The following PRKG1 variants were observed in gnomAD, a reference collection of about 807,000 sequenced individuals.
The protein encoded by PRKG1 is cGMP-dependent protein kinase 1.
In PRKG1, 35 loss-of-function variants were observed where a neutral mutation model predicts 88.1. The observed-to-expected ratio is 0.40, with a 90% CI of 0.30 to 0.53. The LOEUF is 0.53. PRKG1 is among the 20% of genes least tolerant of loss of function. The pLI is 0.59. For synonymous variants in PRKG1, 303 were observed against 292.5 expected, an observed-to-expected ratio of 1.04 and a Z score of -0.37; for missense variants, 540 against 839.8, an observed-to-expected ratio of 0.64 and a Z score of 4.41.
intron 5 of PRKG1, among the ~76,000 whole-genome samples, chr10:51,969,256 C>G (rs16925327): frequency 0.11 from 16,759 of 152,156 alleles, 1,235 homozygotes; most frequent in East Asian, 0.32. Context: ...TCTGGCATCT[C>G]TTGTCAATCC....
At chr10:51,768,624 C>A (rs1246508107) in intron 3 of PRKG1, among the ~76,000 whole-genome samples, 2 of 151,994 alleles carry the variant, frequency 1.3e-5, no homozygotes, top group African/African-American at 4.8e-5. Flanking sequence ...TAAAGAAAAT[C>A]TTGGGATTTT....
At chr10:51,202,348 A>C (rs1025301267) in intron 2 of PRKG1, among the ~76,000 whole-genome samples, 7 of 152,212 alleles carry the variant, frequency 4.6e-5, no homozygotes, top group African/African-American at 1.7e-4. Flanking sequence ...ATCAGGCTGA[A>C]TATAGACTCC....
chr10:52,124,223 T>C (rs986595276), intron 7 of PRKG1, among the ~76,000 whole-genome samples: 2 of 152,150 alleles, frequency 1.3e-5, no homozygotes, highest in Non-Finnish European at 2.9e-5. Context: ...AAATGCATCT[T>C]TAGGCAGTTT....
At position 51,032,190 on chromosome 10, in the gene PRKG1, T is replaced by A. The variant is rs117211988; in HGVS notation, c.266+40546T>A. Among the ~76,000 whole-genome samples, 131 of 152,234 alleles carry A rather than the reference T, an allele frequency of 8.6e-4. 1 individual carries two copies. The East Asian group carries it at 0.021, about 25-fold the overall frequency. On this transcript the variant is annotated intron_variant, in intron 1 of 17. Transcript: ENST00000401604. ...GACAACAGGCTGCCAGGATCATGTGTACCTGTTGTCTCCAATTCCTGCCTC... is the reference window on the plus strand; with the variant it reads ...GACAACAGGCTGCCAGGATCATGTGAACCTGTTGTCTCCAATTCCTGCCTC...
chr10:52,138,287 G>T (rs746329218), intron 8 of PRKG1, among the ~76,000 whole-genome samples: 20 of 152,106 alleles, frequency 1.3e-4, no homozygotes, highest in Non-Finnish European at 2.4e-4. Context: ...GTCCATTTTT[G>T]TTGGTCAGTT....
At chr10:52,196,430 A>G (rs181950376) in intron 9 of PRKG1, among the ~76,000 whole-genome samples, 121 of 152,348 alleles carry the variant, frequency 7.9e-4, no homozygotes, top group African/African-American at 2.7e-3. Context: ...CCTGGGAAGT[A>G]TTGCAAACAC....
At chr10:51,303,324 T>C (rs1267906705) in intron 2 of PRKG1, among the ~76,000 whole-genome samples, 1 of 138,298 alleles carries the variant, frequency 7.2e-6, no homozygotes, top group East Asian at 2.0e-4. Flanking sequence ...TACCACTTTA[T>C]TTAAATCTCA....
intron 3 of PRKG1, among the ~76,000 whole-genome samples, chr10:51,632,225 C>T (rs1839545039): frequency 1.3e-5 from 2 of 152,094 alleles, no homozygotes; most frequent in South Asian, 4.2e-4. Flanking sequence ...ACCCCTGATC[C>T]TAGCAGATTA....
At chr10:51,574,228 T>A (rs189711077) in intron 3 of PRKG1, among the ~76,000 whole-genome samples, 1 of 151,972 alleles carries the variant, frequency 6.6e-6, no homozygotes, top group African/African-American at 2.4e-5. Context: ...AATTTACATC[T>A]TCATCTTAGT....
At chr10:52,071,261 C>T (rs138003701) in intron 7 of PRKG1, among the ~76,000 whole-genome samples, 58 of 152,128 alleles carry the variant, frequency 3.8e-4, no homozygotes, top group African/African-American at 1.3e-3. Flanking sequence ...GAACATAGTA[C>T]CTAAAAGGTA....
intron 3 of PRKG1, among the ~76,000 whole-genome samples, chr10:51,627,254 G>A (rs1266100316): frequency 1.3e-5 from 2 of 152,062 alleles, no homozygotes; most frequent in Admixed American, 6.6e-5. Flanking sequence ...AGAAACTCAA[G>A]GTAGTTCAGC....
chr10:51,214,417 T>C (rs1838315787), intron 2 of PRKG1, among the ~76,000 whole-genome samples: 1 of 152,194 alleles, frequency 6.6e-6, no homozygotes, highest in Admixed American at 6.5e-5. Context: ...CTGTACTTTG[T>C]ATGGGTACAG....
intron 5 of PRKG1, among the ~76,000 whole-genome samples, chr10:52,003,027 C>T (rs1258569718): frequency 6.6e-6 from 1 of 152,166 alleles, no homozygotes; most frequent in African/African-American, 2.4e-5. Flanking sequence ...TTACCGTTCT[C>T]AACTCTGTCT....
intron 2 of PRKG1, among the ~76,000 whole-genome samples, chr10:51,446,443 C>T (rs912694262): frequency 2.6e-5 from 4 of 152,040 alleles, no homozygotes; most frequent in Admixed American, 1.3e-4. Flanking sequence ...GATTATCTCT[C>T]TATAGGGTTT....
chr10:51,993,823 C>T (rs1276129061), intron 5 of PRKG1, among the ~76,000 whole-genome samples: 2 of 152,126 alleles, frequency 1.3e-5, no homozygotes, highest in African/African-American at 2.4e-5. Flanking sequence ...TATATTCTTC[C>T]TCATTATCTC....
At chr10:51,576,822 TC>T (rs1163166449) in intron 3 of PRKG1, among the ~76,000 whole-genome samples, 6 of 151,996 alleles carry the variant, frequency 3.9e-5, no homozygotes, top group Non-Finnish European at 4.4e-5. Flanking sequence ...GTAATTTTTT[TC>T]ATTTTCTATT....
chr10:51,625,685 T>C (rs1839318383), intron 3 of PRKG1, among the ~76,000 whole-genome samples: 1 of 151,566 alleles, frequency 6.6e-6, no homozygotes, highest in African/African-American at 2.4e-5. Context: ...GTGGAGTTTA[T>C]GATATTTAAA....
In PRKG1 at chr10:51,715,220, C is replaced by G. The variant is rs142087902; in HGVS notation, c.593-89365C>G. On this transcript the variant is annotated intron_variant, in intron 3 of 17. Coordinates refer to ENST00000373980, the MANE Select transcript of PRKG1 (RefSeq NM_006258.4). The stretch of plus-strand genomic sequence containing the variant: ...CTGTGTTCCTCATCACCTCACTCCA[C>G]AAAAGCATTTCATTATATACAACTT... 3.7e-3 allele frequency among the ~76,000 whole-genome samples: 570 copies of G among 152,288 alleles called. 15 individuals carry two copies. In the East Asian group the frequency reaches 0.064, roughly 17 times the overall value.
At chr10:51,461,633 G>T (rs1025741771) in intron 2 of PRKG1, among the ~76,000 whole-genome samples, 1 of 152,176 alleles carries the variant, frequency 6.6e-6, no homozygotes, top group East Asian at 1.9e-4. Flanking sequence ...TATCTATTCA[G>T]ATTTGAAAGC....
Sources: gnomAD v4.1 joint callset for allele counts (sites outside exome capture counted in the v4.1 genomes callset) on GRCh38, gnomAD v4.1.1 for gene constraint, MANE v1.5 for transcripts, NCBI Gene and HGNC (gene_info 2026-07-23, HGNC 2026-07-21) for gene names.